Variants in STK32B observed in about 807,000 individuals in gnomAD.
The protein encoded by STK32B is serine/threonine-protein kinase 32B.
Under a neutral mutation model 52.6 loss-of-function variants are expected in STK32B, and 43 were observed. The observed-to-expected ratio is 0.82, with a 90% confidence interval of 0.64 to 1.05. STK32B has a LOEUF of 1.05. Ranked by LOEUF, STK32B falls within the 50% of genes least tolerant of loss-of-function variation. The pLI is 0.00. For missense variants in STK32B, 621 were observed against 534.6 expected, an observed-to-expected ratio of 1.16 and a Z score of -1.59; for synonymous variants, 238 against 204.3, an observed-to-expected ratio of 1.17 and a Z score of -1.41.
intron 3 of STK32B, among the ~76,000 whole-genome samples, chr4:5,200,914 G>A (rs781670747): frequency 6.6e-6 from 1 of 152,214 alleles, no homozygotes; most frequent in Non-Finnish European, 1.5e-5. Flanking sequence ...GATGTAGCCA[G>A]GGTTGAAACC....
intron 3 of STK32B, among the ~76,000 whole-genome samples, chr4:5,312,924 C>T (rs1028310172): frequency 9.9e-5 from 15 of 151,988 alleles, no homozygotes; most frequent in Non-Finnish European, 1.5e-4. Context: ...AAAAGTGTTC[C>T]TATTTCTCCA....
intron 11 of STK32B, among the ~76,000 whole-genome samples, chr4:5,491,179 C>T (rs1218420873): frequency 6.6e-6 from 1 of 152,196 alleles, no homozygotes. Flanking sequence ...AACTAGTTTA[C>T]AGTCCCACCA....
At chr4:5,110,317 C>A (rs1714333922) in intron 1 of STK32B, among the ~76,000 whole-genome samples, 1 of 142,490 alleles carries the variant, frequency 7.0e-6, no homozygotes. Context: ...CACTCCTGAG[C>A]AAAATGAACA....
intron 3 of STK32B, among the ~76,000 whole-genome samples, chr4:5,313,121 C>T: frequency 6.8e-6 from 1 of 147,708 alleles, no homozygotes; most frequent in East Asian, 2.1e-4. Context: ...TTAAAAACCA[C>T]AATTACTTTT....
intron 3 of STK32B, among the ~76,000 whole-genome samples, chr4:5,263,668 G>A (rs116631931): frequency 0.018 from 2,800 of 152,154 alleles, 24 homozygotes; most frequent in Non-Finnish European, 0.027. Flanking sequence ...ATTATGATAC[G>A]CAGACATCTT....
chr4:5,425,223 A>C (rs1181118562), intron 6 of STK32B, among the ~76,000 whole-genome samples: 1 of 152,206 alleles, frequency 6.6e-6, no homozygotes. Context: ...AGAATGAGCC[A>C]TTCAGGCCCA....
chr4:5,258,850 GC>G (rs993315388), intron 3 of STK32B, among the ~76,000 whole-genome samples: 10 of 152,222 alleles, frequency 6.6e-5, no homozygotes, highest in Admixed American at 6.5e-4. Context: ...TTCTCAACCA[GC>G]CCCAGGTTCT....
chr4:5,176,438 C>T (rs1283603647), intron 3 of STK32B, among the ~76,000 whole-genome samples: 6 of 111,964 alleles, frequency 5.4e-5, no homozygotes, highest in Admixed American at 2.0e-4. Flanking sequence ...CGGCCATCAT[C>T]TTTTTTTTTT....
Position 5,331,252 on chromosome 4 carries a change from T to C in STK32B, c.293T>C (p.Met98Thr). 1 of 1,613,704 alleles carries C rather than the reference T, an allele frequency of 6.2e-7. No individual in the cohort carries two copies. Among genetic ancestry groups the C allele is most frequent in the Non-Finnish European group, 8.5e-7 (1 of 1,179,762 alleles). The change falls in exon 4 of 12, where the codon ATG (methionine) becomes ACG (threonine). Residue 98 changes from methionine to threonine, a missense_variant. Coordinates refer to ENST00000282908, the MANE Select transcript of STK32B (RefSeq NM_018401.3). ...TTCCAGGATGAGGAGGACATGTTCA[T>C]GGTGGTGGACCTGCTCCTGGGAGGC... ...YSFQDEEDMF[M>T]VVDLLLGGDL...
chr4:5,199,460 T>C (rs1236115382), intron 3 of STK32B, among the ~76,000 whole-genome samples: 1 of 152,162 alleles, frequency 6.6e-6, no homozygotes, highest in African/African-American at 2.4e-5. Flanking sequence ...CCTTCAATCT[T>C]GCTTACATTA....
intron 2 of STK32B, among the ~76,000 whole-genome samples, chr4:5,151,127 C>A (rs1006332257): frequency 1.3e-5 from 2 of 152,148 alleles, no homozygotes; most frequent in Non-Finnish European, 2.9e-5. Flanking sequence ...AGGTCTATTT[C>A]TAAGTTGCTT....
At chr4:5,198,481 T>G (rs979593171) in intron 3 of STK32B, among the ~76,000 whole-genome samples, 4 of 152,222 alleles carry the variant, frequency 2.6e-5, no homozygotes, top group African/African-American at 9.6e-5. Flanking sequence ...GTTCAACCAA[T>G]GCTTTCTGCA....
chr4:5,075,150 A>G (rs1034486065), intron 1 of STK32B, among the ~76,000 whole-genome samples: 2 of 152,168 alleles, frequency 1.3e-5, no homozygotes, highest in Admixed American at 6.6e-5. Flanking sequence ...TTTAGTATAA[A>G]TTCTCAACAA....
intron 2 of STK32B, among the ~76,000 whole-genome samples, chr4:5,156,000 A>T (rs1460880181): frequency 1.3e-5 from 2 of 152,038 alleles, no homozygotes; most frequent in Non-Finnish European, 1.5e-5. Flanking sequence ...TAATATATAT[A>T]CCCACTAAAC....
intron 7 of STK32B, among the ~76,000 whole-genome samples, chr4:5,451,747 C>T (rs1716019405): frequency 6.6e-6 from 1 of 152,140 alleles, no homozygotes; most frequent in Non-Finnish European, 1.5e-5. Flanking sequence ...AACTCCCCAC[C>T]CAGTTATGAC....
intron 11 of STK32B, among the ~76,000 whole-genome samples, chr4:5,493,314 G>A (rs1719912904): frequency 6.6e-6 from 1 of 152,164 alleles, no homozygotes; most frequent in Non-Finnish European, 1.5e-5. Flanking sequence ...TTGGGAGGGT[G>A]TATGTGTTGA....
At chr4:5,244,969 C>T (rs778808701) in intron 3 of STK32B, among the ~76,000 whole-genome samples, 2 of 152,164 alleles carry the variant, frequency 1.3e-5, no homozygotes, top group Non-Finnish European at 2.9e-5. Flanking sequence ...TGTTCTTTTG[C>T]ATTTGCTGAG....
intron 3 of STK32B, among the ~76,000 whole-genome samples, chr4:5,219,483 C>G (rs1723388270): frequency 6.6e-6 from 1 of 152,256 alleles, no homozygotes; most frequent in African/African-American, 2.4e-5. Flanking sequence ...ATTCACTCAG[C>G]TTGCTGAAGT....
At chr4:5,234,093 A>G (rs1394900702) in intron 3 of STK32B, among the ~76,000 whole-genome samples, 2 of 152,084 alleles carry the variant, frequency 1.3e-5, no homozygotes, top group Non-Finnish European at 2.9e-5. Context: ...TCTGTTCTGG[A>G]CTATCATCCA....
Sources: gnomAD v4.1 joint callset for allele counts (sites outside exome capture counted in the v4.1 genomes callset) on GRCh38, gnomAD v4.1.1 for gene constraint, MANE v1.5 for transcripts, NCBI Gene and HGNC (gene_info 2026-07-23, HGNC 2026-07-21) for gene names.